CST8: variants seen among roughly 807,000 people sequenced by gnomAD.
CST8 encodes the protein cystatin 8.
Under a neutral mutation model 11.8 loss-of-function variants are expected in CST8, and 20 were observed. The observed-to-expected ratio is 1.70, with a 90% CI of 1.20 to 2.47. CST8 has a LOEUF of 2.47. CST8 is among the 30% of genes most tolerant of loss of function. The pLI is 0.00. For missense variants in CST8, 196 were observed against 167.2 expected (o/e 1.17, Z -0.95); for synonymous variants, 77 against 63.1 (o/e 1.22, Z -1.05).
chr20:23,496,094 G>A, downstream of CST8: 1 of 580,708 alleles, frequency 1.7e-6, no homozygotes, highest in East Asian at 2.9e-5. Flanking sequence ...CCTCTTTGCT[G>A]GCACCGAACA....
chr20:23,502,777 C>T, the CST8 span, among the ~76,000 whole-genome samples: 2,864 of 152,264 alleles, frequency 0.019, 50 homozygotes, highest in South Asian at 0.054. Context: ...GGACTGCTCC[C>T]GGGCTGTAGA....
downstream of CST8, among the ~76,000 whole-genome samples, chr20:23,496,685 G>A (rs1182955510): frequency 2.0e-5 from 3 of 152,136 alleles, no homozygotes; most frequent in Non-Finnish European, 2.9e-5. Flanking sequence ...GGAGCACTAC[G>A]GGAAACTGGG....
rs139830347 is a variant in CST8, at chr20:23,493,017, G to A, written c.291G>A (p.Lys97=). ...AAATTGCCCGCAGCGATTGCAGAAA[G>A]CCTTTAAGCACTAATGAAATCTGCG... is the stretch of plus-strand genomic sequence containing the variant. ...DVEIARSDCR[K]PLSTNEICAI... The change falls in exon 3 of 4, where the codon AAG becomes AAA. Residue 97 remains lysine, a synonymous_variant. Transcript: ENST00000246012. The A allele has an allele frequency of 6.2e-7, 1 of 1,613,648 alleles. No homozygotes were observed. Among genetic ancestry groups the A allele is most frequent in the Admixed American group, 1.7e-5 (1 of 59,986 alleles).
downstream of CST8, among the ~76,000 whole-genome samples, chr20:23,499,518 G>A (rs1474022045): frequency 6.6e-6 from 1 of 152,144 alleles, no homozygotes; most frequent in Non-Finnish European, 1.5e-5. Flanking sequence ...TCTCTTAAAG[G>A]TCATGGGGAG....
chr20:23,498,996 G>A (rs952616693), downstream of CST8, among the ~76,000 whole-genome samples: 1 of 152,182 alleles, frequency 6.6e-6, no homozygotes, highest in Admixed American at 6.5e-5. Context: ...TCTGGGATAT[G>A]AGTGTCTTAA....
chr20:23,498,949 T>C (rs147243072), downstream of CST8, among the ~76,000 whole-genome samples: 1 of 152,352 alleles, frequency 6.6e-6, no homozygotes, highest in African/African-American at 2.4e-5. Flanking sequence ...TCCCAGTGGC[T>C]GCATGGACTT....
chr20:23,503,469 G>T, the CST8 span, among the ~76,000 whole-genome samples: 1 of 152,094 alleles, frequency 6.6e-6, no homozygotes, highest in Non-Finnish European at 1.5e-5. Flanking sequence ...GGCAAAGAGC[G>T]TTAGGTGGGG....
At position 23,491,827 on chromosome 20, in the gene CST8, C is replaced by A. The variant is rs1055545411; in HGVS notation, c.160C>A (p.Gln54Lys). 6.2e-7 allele frequency: 1 copy of A among 1,614,156 alleles called. No individual in the cohort carries two copies. Among genetic ancestry groups the A allele is most frequent in the Non-Finnish European group, 8.5e-7 (1 of 1,180,030 alleles). Residue 54 changes from glutamine to lysine, a missense_variant, in exon 2 of 4, where the codon CAA becomes AAA. Transcript: ENST00000246012. ...NVKQCLWFAM[Q>K]EYNKESEDKY... ...GAAGCAGTGTCTGTGGTTTGCCATG[C>A]AAGAATACAACAAAGAGAGCGAGGA...
downstream of CST8, among the ~76,000 whole-genome samples, chr20:23,500,723 C>G (rs1988162117): frequency 7.6e-6 from 1 of 131,490 alleles, no homozygotes; most frequent in South Asian, 2.5e-4. Context: ...GTGCCCTCCG[C>G]TGATTCTTTC....
the CST8 span, among the ~76,000 whole-genome samples, chr20:23,502,719 T>C: frequency 6.6e-6 from 1 of 152,252 alleles, no homozygotes; most frequent in Non-Finnish European, 1.5e-5. Context: ...ATATATAAAC[T>C]GTTGGCTGAA....
chr20:23,498,537 G>A (rs1249706573), downstream of CST8, among the ~76,000 whole-genome samples: 1 of 152,172 alleles, frequency 6.6e-6, no homozygotes, highest in East Asian at 1.9e-4. Context: ...TTCAGGAGTT[G>A]GAGACTGTCG....
chr20:23,496,336 G>A (rs1212409987), downstream of CST8, among the ~76,000 whole-genome samples: 2 of 152,024 alleles, frequency 1.3e-5, no homozygotes, highest in Non-Finnish European at 2.9e-5. Context: ...TTAAAGCTGG[G>A]TGTCCGGGGG....
intron 3 of CST8, among the ~76,000 whole-genome samples, 192 bp downstream of exon 3, chr20:23,493,263 C>T (rs1192914361): frequency 6.6e-6 from 1 of 152,190 alleles, no homozygotes; most frequent in East Asian, 1.9e-4. Flanking sequence ...GCTTCTTTCT[C>T]ATCCTTCATC....
At chr20:23,501,583 G>A in the CST8 span, among the ~76,000 whole-genome samples, 1 of 152,224 alleles carries the variant, frequency 6.6e-6, no homozygotes, top group Non-Finnish European at 1.5e-5. Flanking sequence ...GTCTTTGATG[G>A]ACATGCACCT....
At position 23,491,589 on chromosome 20, in the gene CST8, C is replaced by T. The variant is rs572646030; in HGVS notation, c.-79C>T. 19 of 1,075,680 alleles carry T rather than the reference C, an allele frequency of 1.8e-5. No homozygotes were observed. The South Asian group carries it at 1.8e-4, about 10-fold the overall frequency. 66.6% of individuals were successfully genotyped at this position (1,075,680 alleles called of 1,614,324 possible). A position where few individuals can be genotyped will look rare whatever the true frequency, so the allele number is the denominator to read the frequency against. On this transcript the variant is annotated 5_prime_UTR_variant, in exon 2 of 4. Transcript: ENST00000246012. ...ATTCTTGAACCCACAGCAGCAGCTG[C>T]GGCCACCCCATCCTGCCCACAGCTC... is the stretch of plus-strand genomic sequence containing the variant.
At chr20:23,497,136 T>C (rs1169293643), downstream of CST8, among the ~76,000 whole-genome samples, 3 of 152,190 alleles carry the variant, frequency 2.0e-5, no homozygotes, top group Non-Finnish European at 4.4e-5. Context: ...AAGTGATAAG[T>C]GTCCATGAAA....
the CST8 span, among the ~76,000 whole-genome samples, chr20:23,504,205 G>A: frequency 1.3e-5 from 2 of 152,204 alleles, no homozygotes; most frequent in East Asian, 3.8e-4. Context: ...CCGGCTATGT[G>A]AACTCTAGAC....
At chr20:23,500,406 T>C (rs894385771), downstream of CST8, among the ~76,000 whole-genome samples, 2 of 152,104 alleles carry the variant, frequency 1.3e-5, no homozygotes, top group East Asian at 1.9e-4. Flanking sequence ...CTGTCCCAGC[T>C]TAGCCGGTTT....
chr20:23,492,047 A>C, intron 2 of CST8, 149 bp downstream of exon 2: 2 of 644,268 alleles, frequency 3.1e-6, no homozygotes, highest in Non-Finnish European at 5.4e-6. Flanking sequence ...CACAGCATCA[A>C]TAAGGCAGTG....
Sources: gnomAD v4.1 joint callset for allele counts (sites outside exome capture counted in the v4.1 genomes callset) on GRCh38, gnomAD v4.1.1 for gene constraint, MANE v1.5 for transcripts, NCBI Gene and HGNC (gene_info 2026-07-23, HGNC 2026-07-21) for gene names.